Variants in MBD5 observed in about 807,000 individuals in gnomAD.
MBD5 encodes methyl-CpG-binding domain protein 5.
In MBD5, 13 loss-of-function variants were observed where a neutral mutation model predicts 117.3. The observed-to-expected ratio is 0.11, with a 90% CI of 0.07 to 0.18. The LOEUF is 0.18. Among genes scored for constraint, MBD5 ranks in the 10% least tolerant of loss-of-function variants. The pLI, the probability that MBD5 is intolerant of heterozygous loss-of-function variation, is 1.00. For missense variants in MBD5, 1,879 were observed against 2,093.8 expected (o/e 0.90, Z 2.00); for synonymous variants, 727 against 766.4 (o/e 0.95, Z 0.85).
chr2:148,366,211 AC>A, intron 4 of MBD5, among the ~76,000 whole-genome samples: 2 of 152,280 alleles, frequency 1.3e-5, no homozygotes, highest in Middle Eastern at 6.8e-3. Flanking sequence ...CATAAATAGA[AC>A]AAATGACAAA....
At chr2:148,376,253 CT>C (rs1320820934) in intron 4 of MBD5, among the ~76,000 whole-genome samples, 1 of 139,046 alleles carries the variant, frequency 7.2e-6, no homozygotes, top group East Asian at 2.2e-4. Flanking sequence ...TATTATATTT[CT>C]TTTTTTTCTT....
At chr2:148,408,857 C>CAGTTGTATAGCAT (rs1705163793) in intron 4 of MBD5, among the ~76,000 whole-genome samples, 1 of 151,522 alleles carries the variant, frequency 6.6e-6, no homozygotes, top group South Asian at 2.1e-4. Context: ...ATTCTGTAAA[C>CAGTTGTATAGCAT]AATGCAGTAT....
intron 1 of MBD5, among the ~76,000 whole-genome samples, chr2:148,059,228 G>C (rs992507391): frequency 2.0e-5 from 3 of 152,058 alleles, no homozygotes; most frequent in African/African-American, 7.2e-5. Flanking sequence ...TTTAACTGAA[G>C]AGTTGGCAAT....
chr2:148,227,330 A>G (rs1291437084), intron 2 of MBD5, among the ~76,000 whole-genome samples: 1 of 152,172 alleles, frequency 6.6e-6, no homozygotes, highest in Non-Finnish European at 1.5e-5. Context: ...CTTTCTACAT[A>G]TGGCTAGCCA....
At chr2:148,321,675 T>A (rs1289547644) in intron 3 of MBD5, among the ~76,000 whole-genome samples, 1 of 152,216 alleles carries the variant, frequency 6.6e-6, no homozygotes, top group Non-Finnish European at 1.5e-5. Flanking sequence ...TCCCCAGTAC[T>A]TTTTTACCTT....
At chr2:148,144,438 G>A (rs900045368) in intron 1 of MBD5, among the ~76,000 whole-genome samples, 2 of 152,156 alleles carry the variant, frequency 1.3e-5, no homozygotes, top group African/African-American at 4.8e-5. Context: ...CTCTGCAGAA[G>A]CTCTTTAGTT....
chr2:148,102,739 GAGAGAGAGAGAGAGAGAGAGAGGA>G (rs1256123788), intron 1 of MBD5, among the ~76,000 whole-genome samples: 1,670 of 107,570 alleles, frequency 0.016, 15 homozygotes, highest in Non-Finnish European at 0.023. Context: ...CAGAGAGAGA[GAGAGAGAGAGAGAGAGAGAGAGGA>G]AGAGAGAGAG....
intron 4 of MBD5, among the ~76,000 whole-genome samples, chr2:148,344,127 T>C (rs1047441763): frequency 6.6e-6 from 1 of 152,114 alleles, no homozygotes; most frequent in Admixed American, 6.6e-5. Context: ...TGGCTGTAGG[T>C]GTGTGACTTT....
chr2:148,182,671 TAC>T (rs1408950460), intron 2 of MBD5, among the ~76,000 whole-genome samples: 4 of 152,228 alleles, frequency 2.6e-5, no homozygotes, highest in African/African-American at 9.6e-5. Context: ...GACAATTATA[TAC>T]ATCTTTAATG....
At chr2:148,320,942 G>A (rs923718151) in intron 3 of MBD5, among the ~76,000 whole-genome samples, 28 of 151,892 alleles carry the variant, frequency 1.8e-4, no homozygotes, top group African/African-American at 6.8e-4. Context: ...TCTTTTCAGA[G>A]GAGCAACTTT....
intron 1 of MBD5, among the ~76,000 whole-genome samples, chr2:148,078,799 G>A (rs1166000553): frequency 6.6e-6 from 1 of 152,192 alleles, no homozygotes; most frequent in Non-Finnish European, 1.5e-5. Context: ...AATTGCAAAT[G>A]TAACTTCATG....
chr2:148,125,560 C>A (rs907932069), intron 1 of MBD5, among the ~76,000 whole-genome samples: 3 of 152,184 alleles, frequency 2.0e-5, no homozygotes, highest in African/African-American at 7.2e-5. Flanking sequence ...ATTCCCTCTG[C>A]TGGAAATACC....
Position 148,188,602 on chromosome 2 carries a change from G to C in MBD5, c.-831+9809G>C, listed in dbSNP as rs548283688. On this transcript the variant is annotated intron_variant, in intron 2 of 13. Transcript: ENST00000642680. ...TGAGGCTGAAATGAGAAGATAACTT[G>C]AGCCCAGGAGGTTGAGGCTGCAGTG... is the stretch of plus-strand genomic sequence containing the variant. Among the ~76,000 whole-genome samples the C allele has an allele frequency of 4.0e-5, 6 of 149,536 alleles. No homozygotes were observed. The East Asian group carries it at 1.2e-3, about 30-fold the overall frequency.
chr2:148,385,695 G>A (rs1335158412), intron 4 of MBD5, among the ~76,000 whole-genome samples: 1 of 151,328 alleles, frequency 6.6e-6, no homozygotes, highest in African/African-American at 2.4e-5. Flanking sequence ...CAATAGCAAA[G>A]ACTTGGAACC....
chr2:148,458,616 G>A lies in MBD5; in HGVS notation c.-143G>A, dbSNP rs1298886506. 4.2e-6 allele frequency: 3 copies of A among 715,946 alleles called. No homozygotes were observed. Among genetic ancestry groups the A allele is most frequent in the African/African-American group, 3.5e-5 (2 of 57,282 alleles). The allele number at this position is 715,946 out of a possible 1,614,324, so 44.3% of individuals were successfully genotyped here. On this transcript the variant is annotated 5_prime_UTR_variant, in exon 5 of 14. It removes the in-frame stop codon of an upstream open reading frame in the 5' UTR. Transcript: ENST00000642680. Reference sequence around the variant, plus strand: ...TATTTCAAGGACTTGGTTCCAAACTGAGCTGAAGCTTCCCAATGCGTTTTG... The same window carrying A: ...TATTTCAAGGACTTGGTTCCAAACTAAGCTGAAGCTTCCCAATGCGTTTTG...
chr2:148,023,835 G>A (rs551216232), intron 1 of MBD5, among the ~76,000 whole-genome samples: 1 of 151,802 alleles, frequency 6.6e-6, no homozygotes, highest in South Asian at 2.1e-4. Context: ...ATGGTTAGAA[G>A]ATTGCAGACT....
chr2:148,447,320 T>G (rs1349646269), intron 4 of MBD5, among the ~76,000 whole-genome samples: 1 of 152,044 alleles, frequency 6.6e-6, no homozygotes, highest in Non-Finnish European at 1.5e-5. Context: ...CTTTACCTAC[T>G]CTAAGTCAAG....
intron 2 of MBD5, among the ~76,000 whole-genome samples, chr2:148,190,887 G>T (rs892876213): frequency 9.6e-6 from 1 of 104,430 alleles, no homozygotes; most frequent in Admixed American, 1.1e-4. Context: ...ACACACATAG[G>T]CTCAAAATAA....
chr2:148,413,895 C>T (rs1462376226), intron 4 of MBD5, among the ~76,000 whole-genome samples: 3 of 138,244 alleles, frequency 2.2e-5, no homozygotes, highest in South Asian at 2.2e-4. Flanking sequence ...GTATATCAAT[C>T]TTACTTATTT....
Sources: gnomAD v4.1 joint callset for allele counts (sites outside exome capture counted in the v4.1 genomes callset) on GRCh38, gnomAD v4.1.1 for gene constraint, MANE v1.5 for transcripts, NCBI Gene and HGNC (gene_info 2026-07-23, HGNC 2026-07-21) for gene names.